The following ASAP2 variants were observed in gnomAD, a reference collection of about 807,000 sequenced individuals.
ASAP2 encodes ArfGAP with SH3 domain, ankyrin repeat and PH domain 2, also known as arf-GAP with SH3 domain, ANK repeat and PH domain-containing protein 2.
ASAP2 carries 45 observed loss-of-function variants against 131.4 expected under a neutral mutation model. That is an observed-to-expected ratio of 0.34 (90% CI 0.27 to 0.44). The LOEUF (loss-of-function observed/expected upper bound fraction) is 0.44. Ranked by LOEUF, ASAP2 falls within the 20% of genes least tolerant of loss-of-function variation. The pLI is 1.00. For missense variants in ASAP2, 1,011 were observed against 1,297.0 expected (o/e 0.78, Z 3.39); for synonymous variants, 510 against 503.0 (o/e 1.01, Z -0.19).
chr2:9,279,165 G>A, intron 1 of ASAP2, 152 bp from the exon 2 acceptor site: 1 of 674,382 alleles, frequency 1.5e-6, no homozygotes. Flanking sequence ...CCAGAAACAG[G>A]TGCCGAGGGA....
intron 19 of ASAP2, 138 bp downstream of exon 19, chr2:9,379,197 G>A (rs187213759): frequency 9.4e-5 from 46 of 486,906 alleles, no homozygotes; most frequent in African/African-American, 6.0e-4. Flanking sequence ...AGAACCTACC[G>A]CTAATGAGAA....
At chr2:9,401,792 C>T (rs1304823777) in intron 27 of ASAP2, among the ~76,000 whole-genome samples, 2 of 152,244 alleles carry the variant, frequency 1.3e-5, no homozygotes, top group African/African-American at 4.8e-5. Context: ...AAGCTGTGGC[C>T]GCCCAGGCGT....
chr2:9,255,214 A>C (rs1041446157), intron 1 of ASAP2, among the ~76,000 whole-genome samples: 1 of 152,224 alleles, frequency 6.6e-6, no homozygotes, highest in Non-Finnish European at 1.5e-5. Context: ...TTATGTGTCT[A>C]TACTTGTACC....
rs1347573389 is a variant in ASAP2 at position 9,217,278 on chromosome 2, G to A, written c.126+10048G>A. The stretch of plus-strand genomic sequence containing the variant: ...AAATCCTTGTTGCTTCTCGTTTCCT[G>A]TTTGCCTCATCTGTCCTCCTTGCTG... On this transcript the variant is annotated intron_variant, in intron 1 of 27. Transcript: ENST00000281419. This position sits in a 1 kb window ranked among gnomAD's most constrained non-coding sequence, Gnocchi z 4.0. 2.6e-5 allele frequency among the ~76,000 whole-genome samples: 4 copies of A among 152,168 alleles called. No individual in the cohort carries two copies. The highest frequency in any genetic ancestry group is 9.7e-5 in the African/African-American group (4 of 41,434).
intron 1 of ASAP2, among the ~76,000 whole-genome samples, chr2:9,254,254 T>TATATATATATATACACAC (rs1553297027): frequency 1.3e-3 from 86 of 65,718 alleles, no homozygotes; most frequent in African/African-American, 4.4e-3. Flanking sequence ...TATATATATA[T>TATATATATATATACACAC]ACACGTGTGT....
rs1280903988 is a variant in ASAP2 at position 9,268,159 on chromosome 2, T to C, written c.127-11158T>C. Among the ~76,000 whole-genome samples the C allele has an allele frequency of 3.3e-5, 5 of 152,192 alleles. No homozygotes were observed. Among genetic ancestry groups the C allele is most frequent in the Non-Finnish European group, 7.3e-5 (5 of 68,036 alleles). Reference sequence around the variant, plus strand: ...ACATTTTTGTCAAGTTCACTTGTGTTGTGGGGTAAGTTTGTTCTCTTCCGT... The same window carrying C: ...ACATTTTTGTCAAGTTCACTTGTGTCGTGGGGTAAGTTTGTTCTCTTCCGT... On this transcript the variant is annotated intron_variant, in intron 1 of 27. Coordinates refer to ENST00000281419, the MANE Select transcript of ASAP2 (RefSeq NM_003887.3). The surrounding 1 kb of genome is among the most constrained non-coding windows in gnomAD (Gnocchi z 4.1).
intron 24 of ASAP2, among the ~76,000 whole-genome samples, chr2:9,395,690 T>C (rs1466841122): frequency 1.4e-5 from 2 of 141,488 alleles, no homozygotes; most frequent in African/African-American, 2.6e-5. Flanking sequence ...TCACTGCAAG[T>C]TCCGCTTCCC....
At chr2:9,254,553 T>C (rs920787300) in intron 1 of ASAP2, among the ~76,000 whole-genome samples, 4 of 136,114 alleles carry the variant, frequency 2.9e-5, no homozygotes, top group East Asian at 4.1e-4. Context: ...TTTTTTTTTT[T>C]AGTAGAGACG....
chr2:9,317,117 A>ATCAC (rs139485860), intron 3 of ASAP2, among the ~76,000 whole-genome samples: 4,975 of 101,208 alleles, frequency 0.049, 230 homozygotes, highest in African/African-American at 0.15. Context: ...ACCCCACGCA[A>ATCAC]TCACAACCAC....
At chr2:9,317,012 C>T (rs1389584748) in intron 3 of ASAP2, among the ~76,000 whole-genome samples, 3 of 142,304 alleles carry the variant, frequency 2.1e-5, no homozygotes, top group African/African-American at 7.7e-5. Flanking sequence ...CTCACAACCA[C>T]ACTCACACAA....
In ASAP2 at chr2:9,283,850, C is replaced by A. The variant is rs1242181514; in HGVS notation, c.199+4461C>A. The stretch of plus-strand genomic sequence containing the variant: ...GTCCACTTTCTCCTCTTATAAGGAC[C>A]CTAATGCCATCAGGAGGGCCTCACC... On this transcript the variant is annotated intron_variant, in intron 2 of 27. Coordinates refer to ENST00000281419, the MANE Select transcript of ASAP2 (RefSeq NM_003887.3). Among the ~76,000 whole-genome samples the A allele has an allele frequency of 3.9e-5, 6 of 152,114 alleles. No homozygotes were observed. In the East Asian group the frequency reaches 9.6e-4, roughly 24 times the overall value.
rs1198539229 is a variant in ASAP2 at position 9,405,605 on chromosome 2, A to G, written c.*2278A>G. The G allele has an allele frequency of 6.6e-6, 1 of 152,656 alleles. No homozygotes were observed. The highest frequency in any genetic ancestry group is 2.4e-5 in the African/African-American group (1 of 41,460). 9.5% of individuals were successfully genotyped at this position (152,656 alleles called of 1,614,324 possible). A position where few individuals can be genotyped will look rare whatever the true frequency, so the allele number is the denominator to read the frequency against. On this transcript the variant is annotated 3_prime_UTR_variant, in exon 28 of 28. Coordinates refer to ENST00000281419, the MANE Select transcript of ASAP2 (RefSeq NM_003887.3). Reference sequence around the variant, plus strand: ...CCTTAATGCAGTGATTTATAATTAGAGCATGTTTAATAAGTTTACTCTTCT... The same window carrying G: ...CCTTAATGCAGTGATTTATAATTAGGGCATGTTTAATAAGTTTACTCTTCT...
chr2:9,333,839 T>C (rs1392641598), intron 7 of ASAP2, among the ~76,000 whole-genome samples: 1 of 152,144 alleles, frequency 6.6e-6, no homozygotes, highest in African/African-American at 2.4e-5. Flanking sequence ...GTCCAGCCTC[T>C]GTTGTATTTC....
At chr2:9,305,274 G>T (rs369088120) in intron 3 of ASAP2, among the ~76,000 whole-genome samples, 1 of 151,706 alleles carries the variant, frequency 6.6e-6, no homozygotes, top group East Asian at 1.9e-4. Context: ...TGTAATAGTG[G>T]GGTATAGATG....
intron 12 of ASAP2, among the ~76,000 whole-genome samples, chr2:9,352,158 T>C (rs1020052596): frequency 2.0e-5 from 3 of 151,602 alleles, no homozygotes; most frequent in African/African-American, 7.3e-5. Flanking sequence ...AGCTCAGGAG[T>C]AGACGTCCAG....
intron 1 of ASAP2, among the ~76,000 whole-genome samples, chr2:9,231,511 A>G (rs375681606): frequency 2.0e-5 from 3 of 152,286 alleles, no homozygotes; most frequent in East Asian, 3.9e-4. Flanking sequence ...GTCATGTTAC[A>G]TAGCTGCCAC....
rs1675887186 is a variant in ASAP2 at position 9,393,578 on chromosome 2, C to T, written c.2615C>T (p.Ser872Leu). The T allele has an allele frequency of 1.3e-6, 2 of 1,598,514 alleles. No individual in the cohort carries two copies. The highest frequency in any genetic ancestry group is 2.7e-5 in the African/African-American group (2 of 74,558). Residue 872 changes from serine to leucine, a missense_variant, in exon 24 of 28, where the codon TCA becomes TTA. Coordinates refer to ENST00000281419, the MANE Select transcript of ASAP2 (RefSeq NM_003887.3). ...AGCAAGCCTGCCCCGCCTGGGATCT[C>T]ACAGATCAGGCCCCCACCTCTGCCC... is the stretch of plus-strand genomic sequence containing the variant. ...QPSKPAPPGISQIRPPPLPPQ... is the reference protein window; with the variant it reads ...QPSKPAPPGILQIRPPPLPPQ...
chr2:9,354,441 A>G (rs1672554757), intron 12 of ASAP2, among the ~76,000 whole-genome samples: 1 of 152,080 alleles, frequency 6.6e-6, no homozygotes, highest in Non-Finnish European at 1.5e-5. Flanking sequence ...TTTTCCTCAG[A>G]GGTTTGCCTC....
intron 15 of ASAP2, among the ~76,000 whole-genome samples, chr2:9,365,548 TG>T (rs1251369894): frequency 6.6e-6 from 1 of 152,174 alleles, no homozygotes; most frequent in East Asian, 1.9e-4. Context: ...TTTGGCTCAG[TG>T]GGCCCTGCTC....
Sources: allele counts gnomAD v4.1 joint callset (sites outside exome capture counted in the v4.1 genomes callset), GRCh38; gene constraint gnomAD v4.1.1; non-coding constraint Gnocchi (gnomAD v3.1); transcripts MANE v1.5; gene names NCBI Gene and HGNC (gene_info 2026-07-23, HGNC 2026-07-21).